The following SPNS2 variants were observed in gnomAD, a reference collection of about 807,000 sequenced individuals.
SPNS2 encodes sphingosine-1-phosphate transporter SPNS2.
SPNS2 carries 37 observed loss-of-function variants against 57.6 expected under a neutral mutation model. The ratio of observed to expected loss-of-function variants is 0.64; its 90% CI spans 0.49 to 0.85. SPNS2 has a LOEUF of 0.85. Among genes scored for constraint, SPNS2 ranks in the 40% least tolerant of loss-of-function variants. SPNS2 has a pLI of 0.00. For synonymous variants in SPNS2, 440 were observed against 346.9 expected (o/e 1.27, Z -2.98); for missense variants, 831 against 779.1 (o/e 1.07, Z -0.79).
At position 4,530,680 on chromosome 17, in the gene SPNS2, G is replaced by T. The variant is rs1230562986; in HGVS notation, c.622G>T (p.Ala208Ser). 1.2e-6 allele frequency: 2 copies of T among 1,613,834 alleles called. No individual in the cohort carries two copies. The highest frequency in any genetic ancestry group is 2.2e-5 in the East Asian group (1 of 44,884). ...LSRGLVGIGE[A>S]SYSTIAPTII... ...CCGGGGGCTGGTGGGCATCGGGGAGGCCAGCTACTCCACCATCGCCCCCAC... is the reference window on the plus strand; with the variant it reads ...CCGGGGGCTGGTGGGCATCGGGGAGTCCAGCTACTCCACCATCGCCCCCAC... The change falls in exon 4 of 13, where the codon GCC becomes TCC. Residue 208 changes from alanine (A) to serine (S), a missense_variant. Transcript: ENST00000329078.
intron 9 of SPNS2, among the ~76,000 whole-genome samples, 180 bp downstream of exon 9, chr17:4,534,033 C>T (rs570442905): frequency 6.6e-6 from 1 of 151,982 alleles, no homozygotes; most frequent in East Asian, 1.9e-4. Context: ...CTGGCCAGGG[C>T]TGGAAAACAG....
chr17:4,537,889 C>A lies in SPNS2; in HGVS notation c.*441C>A. The A allele has an allele frequency of 4.7e-6, 2 of 429,208 alleles. No individual in the cohort carries two copies. Among genetic ancestry groups the A allele is most frequent in the Non-Finnish European group, 9.5e-6 (2 of 209,806 alleles). The allele number at this position is 429,208 out of a possible 1,614,324, so 26.6% of individuals were successfully genotyped here. On this transcript the variant is annotated 3_prime_UTR_variant, in exon 13 of 13. Transcript: ENST00000329078. ...CTTTGAAGACTCAACAGACCCTGGA[C>A]CATACGGAGAGCAGGTGGCCCAGGC...
chr17:4,501,974 A>G (rs929354136), intron 1 of SPNS2, among the ~76,000 whole-genome samples: 23 of 152,222 alleles, frequency 1.5e-4, no homozygotes, highest in African/African-American at 5.5e-4. Flanking sequence ...ATTCCTGTCA[A>G]ATTTTCTGGT....
At chr17:4,536,849 GCCCGGC>G (rs773717313) in intron 11 of SPNS2, 45 bp from the exon 12 acceptor site, 2 of 1,508,192 alleles carry the variant, frequency 1.3e-6, no homozygotes, top group Non-Finnish European at 1.8e-6. Context: ...CAGTGCCCGG[GCCCGGC>G]CCCCGCTGAT....
At chr17:4,530,464 G>A (rs567819380) in intron 3 of SPNS2, among the ~76,000 whole-genome samples, 168 bp from the exon 4 acceptor site, 24 of 152,242 alleles carry the variant, frequency 1.6e-4, no homozygotes, top group African/African-American at 4.1e-4. Context: ...ACTGAGGCCC[G>A]GAGTGGCTGG....
At chr17:4,532,456 A>G in intron 5 of SPNS2, 86 bp from the exon 6 acceptor site, 1 of 1,580,302 alleles carries the variant, frequency 6.3e-7, no homozygotes, top group Non-Finnish European at 8.7e-7. Flanking sequence ...GGCCCAGAGA[A>G]GGCATGGGCT....
chr17:4,534,782 T>C (rs982599628), intron 9 of SPNS2, among the ~76,000 whole-genome samples: 1 of 150,872 alleles, frequency 6.6e-6, no homozygotes, highest in African/African-American at 2.5e-5. Flanking sequence ...GTGGCAGGGG[T>C]GCGCCAGGGT....
Position 4,536,279 on chromosome 17 carries a change from G to A in SPNS2, c.1460G>A (p.Arg487His), listed in dbSNP as rs768133723. The change falls in exon 11 of 13, where the codon CGC becomes CAC. Residue 487 changes from arginine to histidine, a missense_variant. Physicochemically the swap from Arg to His is conservative, Grantham distance 29. This residue lies in a region of SPNS2 where 526 missense variants were observed against 400.9 expected (regional missense o/e 1.31). Coordinates refer to ENST00000329078, the MANE Select transcript of SPNS2 (RefSeq NM_001124758.3). The stretch of plus-strand genomic sequence containing the variant: ...TCCTCGCAGATCTCAGACCTGATCC[G>A]CCAGAGCACTAAGGACTCCCCGCTC... ...YLIGFISDLI[R>H]QSTKDSPLWE... The A allele has an allele frequency of 1.2e-5, 20 of 1,612,202 alleles. No individual in the cohort carries two copies. The highest frequency in any genetic ancestry group is 1.4e-5 in the Non-Finnish European group (16 of 1,179,880).
rs1300492377 is a variant in SPNS2 at position 4,537,868 on chromosome 17, G to C, written c.*420G>C. The C allele has an allele frequency of 1.5e-5, 7 of 452,368 alleles. No homozygotes were observed. Among genetic ancestry groups the C allele is most frequent in the Admixed American group, 4.7e-5 (2 of 42,366 alleles). The allele number at this position is 452,368 out of a possible 1,614,324, so 28.0% of individuals were successfully genotyped here. On this transcript the variant is annotated 3_prime_UTR_variant, in exon 13 of 13. Transcript: ENST00000329078. ...TGGGCAAAGCACGATCTGCAGCTTT[G>C]AAGACTCAACAGACCCTGGACCATA...
At chr17:4,506,097 C>T (rs1393199485) in intron 1 of SPNS2, among the ~76,000 whole-genome samples, 4 of 152,004 alleles carry the variant, frequency 2.6e-5, no homozygotes, top group Admixed American at 6.5e-5. Context: ...GGGGAGTTGT[C>T]GGGGTGCAGG....
intron 9 of SPNS2, 53 bp downstream of exon 9, chr17:4,533,906 C>T: frequency 2.0e-6 from 3 of 1,507,608 alleles, no homozygotes; most frequent in South Asian, 1.1e-5. Context: ...GCCTCTTGAC[C>T]TCACAGGGGT....
intron 1 of SPNS2, among the ~76,000 whole-genome samples, chr17:4,502,934 G>A (rs1904566733): frequency 6.6e-6 from 1 of 152,182 alleles, no homozygotes; most frequent in Non-Finnish European, 1.5e-5. Context: ...CGGTGAACCT[G>A]CTAATTACGG....
rs763443139 is a variant in SPNS2, at chr17:4,530,742, G to A, written c.684G>A (p.Thr228=). The change falls in exon 4 of 13, where the codon ACG becomes ACA. Residue 228 remains threonine (T), a synonymous_variant. Coordinates refer to ENST00000329078, the MANE Select transcript of SPNS2 (RefSeq NM_001124758.3). ...ACCTCTTCACCAAGAACACGCGTACGCTCATGCTGTCCGTCTTCTACTTCG... is the reference window on the plus strand; with the variant it reads ...ACCTCTTCACCAAGAACACGCGTACACTCATGCTGTCCGTCTTCTACTTCG... ...IGDLFTKNTR[T]LMLSVFYFAI... The A allele has an allele frequency of 2.9e-5, 47 of 1,613,886 alleles. No individual in the cohort carries two copies. The highest frequency in any genetic ancestry group is 6.7e-5 in the East Asian group (3 of 44,900).
intron 12 of SPNS2, 53 bp downstream of exon 12, chr17:4,536,999 A>G: frequency 1.3e-6 from 2 of 1,593,940 alleles, no homozygotes; most frequent in Non-Finnish European, 1.7e-6. Flanking sequence ...GGGGAAGGCC[A>G]GGGTTAGGCA....
At position 4,537,253 on chromosome 17, in the gene SPNS2, C is replaced by T. The variant is rs1905895323; in HGVS notation, c.*5-200C>T. ...GTCCGGACTTCTGTTCTCCCAAATC[C>T]TCCTGGATGTACCAGGGCCTGACTC... On this transcript the variant is annotated intron_variant, in intron 12 of 12. Coordinates refer to ENST00000329078, the MANE Select transcript of SPNS2 (RefSeq NM_001124758.3). Among the ~76,000 whole-genome samples, 3 of 152,358 alleles carry T rather than the reference C, an allele frequency of 2.0e-5. No homozygotes were observed. In the South Asian group the frequency reaches 6.2e-4, roughly 32 times the overall value.
At chr17:4,528,116 G>A (rs184346608) in intron 3 of SPNS2, among the ~76,000 whole-genome samples, 18 of 151,236 alleles carry the variant, frequency 1.2e-4, no homozygotes, top group East Asian at 4.0e-4. Context: ...TCCGCCTCCC[G>A]GGTTCAAGCG....
chr17:4,531,028 C>T (rs1205931457), intron 4 of SPNS2, 25 bp from the exon 5 acceptor site: 2 of 1,613,148 alleles, frequency 1.2e-6, no homozygotes, highest in African/African-American at 1.3e-5. Flanking sequence ...CTCTGCTCAG[C>T]CTGACGTGTG....
chr17:4,525,030 C>A (rs1158447523), intron 2 of SPNS2, 27 bp from the exon 3 acceptor site: 1 of 1,608,076 alleles, frequency 6.2e-7, no homozygotes, highest in Non-Finnish European at 8.5e-7. Flanking sequence ...GACCTGGGCC[C>A]CCCCTCAAGC....
rs878870795 is a variant in SPNS2 at position 4,536,346 on chromosome 17, T to A, written c.1527T>A (p.Pro509=). The A allele has an allele frequency of 1.9e-6, 3 of 1,611,380 alleles. No homozygotes were observed. In the South Asian group the frequency reaches 3.3e-5, roughly 18 times the overall value. Residue 509 remains proline (P), a synonymous_variant, in exon 11 of 13, where the codon CCT becomes CCA. Coordinates refer to ENST00000329078, the MANE Select transcript of SPNS2 (RefSeq NM_001124758.3). ...TGGGCTACGCGCTCATGCTCTGCCC[T>A]TTCGTCGTGGTCCTGGGCGGCATGT... ...LSLGYALMLC[P]FVVVLGGMFF...
Sources: gnomAD v4.1 joint callset for allele counts (sites outside exome capture counted in the v4.1 genomes callset) on GRCh38, gnomAD v4.1.1 for gene constraint, gnomAD v4.1.1 regional missense constraint, MANE v1.5 for transcripts, NCBI Gene and HGNC (gene_info 2026-07-23, HGNC 2026-07-21) for gene names.